PPP1R12C: variants seen among roughly 807,000 people sequenced by gnomAD.
PPP1R12C encodes the protein leukocyte receptor cluster (LRC) encoded novel gene 3.
Under a neutral mutation model 95.6 loss-of-function variants are expected in PPP1R12C, and 48 were observed. The observed-to-expected ratio is 0.50, with a 90% CI of 0.40 to 0.64. The LOEUF (loss-of-function observed/expected upper bound fraction) is 0.64. Ranked by LOEUF, PPP1R12C falls within the 30% of genes least tolerant of loss-of-function variation. The probability of loss-of-function intolerance (pLI) is 0.00; values close to 1 mark genes in which losing one functional copy is unlikely to be tolerated. For missense variants in PPP1R12C, 1,057 were observed against 1,083.3 expected, an observed-to-expected ratio of 0.98 and a Z score of 0.34; for synonymous variants, 480 against 460.8, an observed-to-expected ratio of 1.04 and a Z score of -0.53.
Position 55,099,100 on chromosome 19 carries a change from G to A in PPP1R12C, c.732-5C>T, listed in dbSNP as rs770570475. Reference sequence around the variant, plus strand: ...TAGCCAGCCTGAAGGAGCAACCTGGGGGCCAGGGAGGCTCAGGGTCAGAGG... The same window carrying A: ...TAGCCAGCCTGAAGGAGCAACCTGGAGGCCAGGGAGGCTCAGGGTCAGAGG... On this transcript the variant is annotated splice_region_variant and splice_polypyrimidine_tract_variant and intron_variant, in intron 4 of 21. Coordinates refer to ENST00000263433, the MANE Select transcript of PPP1R12C (RefSeq NM_017607.4). 10 of 1,526,796 alleles carry A rather than the reference G, an allele frequency of 6.5e-6. No homozygotes were observed. In the East Asian group the frequency reaches 1.5e-4, roughly 22 times the overall value. 94.6% of individuals were successfully genotyped at this position (1,526,796 alleles called of 1,614,324 possible). A position where few individuals can be genotyped will look rare whatever the true frequency, so the allele number is the denominator to read the frequency against.
At chr19:55,092,913 T>C (rs1286082475) in intron 15 of PPP1R12C, 45 bp from the exon 16 acceptor site, 2 of 1,594,844 alleles carry the variant, frequency 1.3e-6, no homozygotes, top group Non-Finnish European at 1.7e-6. Context: ...CAGAGCCCCC[T>C]CTCGGTGCCT....
intron 4 of PPP1R12C, among the ~76,000 whole-genome samples, chr19:55,099,855 T>C (rs1210520570): frequency 6.6e-6 from 1 of 152,226 alleles, no homozygotes; most frequent in Non-Finnish European, 1.5e-5. Context: ...AGCTTAACGG[T>C]AGGACGTGTC....
chr19:55,096,138 G>A lies in PPP1R12C; in HGVS notation c.1066C>T (p.Leu356Phe). 1.2e-6 allele frequency: 2 copies of A among 1,600,624 alleles called. No homozygotes were observed. Among genetic ancestry groups the A allele is most frequent in the Non-Finnish European group, 1.7e-6 (2 of 1,173,860 alleles). The stretch of plus-strand genomic sequence containing the variant: ...CGGCGCTCCTTGGACAAGTCCTGGA[G>A]GGAAATCTTCTCGCGACTGCTCAGA... Reference protein sequence around the residue: ...CRLSSREKISLQDLSKERRPG... With the variant: ...CRLSSREKISFQDLSKERRPG... Residue 356 changes from leucine to phenylalanine, a missense_variant, in exon 8 of 22, where the codon CTC (leucine) becomes TTC (phenylalanine). Physicochemically the swap from Leu to Phe is conservative, Grantham distance 22 (BLOSUM62 0). Transcript: ENST00000263433.
intron 1 of PPP1R12C, chr19:55,114,882 G>C (rs767402412): frequency 6.6e-6 from 1 of 152,048 alleles, no homozygotes; most frequent in African/African-American, 2.4e-5. Context: ...TGCAGGGGAA[G>C]GGGGATGCAG....
rs1320074950 is a variant in PPP1R12C, at chr19:55,109,229, T to A, written c.571+3238A>T. On this transcript the variant is annotated intron_variant, in intron 3 of 21. Transcript: ENST00000263433. The surrounding 1 kb of genome is among the most constrained non-coding windows in gnomAD (Gnocchi z 4.4). ...AATCTTCTCACCTCAGCCTACTGAG[T>A]AGCTGGGAGCGTACGTGCATTCCCA... Among the ~76,000 whole-genome samples the A allele has an allele frequency of 6.6e-6, 1 of 152,168 alleles. No homozygotes were observed. The highest frequency in any genetic ancestry group is 1.5e-5 in the Non-Finnish European group (1 of 68,040).
chr19:55,096,203 G>A, intron 7 of PPP1R12C, 25 bp from the exon 8 acceptor site: 1 of 1,611,798 alleles, frequency 6.2e-7, no homozygotes, highest in Non-Finnish European at 8.5e-7. Flanking sequence ...GAGGGTGCTG[G>A]GGTACAAGCC....
At chr19:55,112,867 G>T (rs891557723) in intron 1 of PPP1R12C, 72 bp from the exon 2 acceptor site, 6 of 1,589,278 alleles carry the variant, frequency 3.8e-6, no homozygotes, top group Non-Finnish European at 5.1e-6. Context: ...GACTCCAGAG[G>T]GAGCCACGAA....
chr19:55,112,256 G>C, intron 3 of PPP1R12C: 3 of 327,792 alleles, frequency 9.2e-6, no homozygotes, highest in South Asian at 7.5e-5. Flanking sequence ...AGGGGTTTGA[G>C]TTCTCATCCT....
At position 55,099,074 on chromosome 19, in the gene PPP1R12C, G is replaced by T; in HGVS notation, c.753C>A (p.Tyr251Ter). The change falls in exon 5 of 22, where the codon TAC becomes TAA. Residue 251 changes from tyrosine to a stop codon, truncating the protein, a stop_gained. Coordinates refer to ENST00000263433, the MANE Select transcript of PPP1R12C (RefSeq NM_017607.4). LOFTEE classifies it high-confidence loss of function. ...CGTCCCCGTCCCGGAGCTCTGGGTC[G>T]TAGCCAGCCTGAAGGAGCAACCTGG... Reference protein sequence around the residue: ...EVMRLLLQAGYDPELRDGDGW... With the variant: ...EVMRLLLQAG 6.5e-7 allele frequency: 1 copy of T among 1,548,624 alleles called. No homozygotes were observed. The highest frequency in any genetic ancestry group is 8.7e-7 in the Non-Finnish European group (1 of 1,145,378).
chr19:55,106,975 C>T (rs942554528), intron 3 of PPP1R12C, among the ~76,000 whole-genome samples: 1 of 152,130 alleles, frequency 6.6e-6, no homozygotes, highest in Non-Finnish European at 1.5e-5. Context: ...GAGTGCCTCA[C>T]GGAGAGAACC....
chr19:55,094,789 G>A lies in PPP1R12C; in HGVS notation c.1464C>T (p.Val488=). 1 of 1,594,526 alleles carries A rather than the reference G, an allele frequency of 6.3e-7. No homozygotes were observed. The stretch of plus-strand genomic sequence containing the variant: ...TCTCCAAGCAAGGAGGAGGCTTGGT[G>A]ACCTCAGACCTGCATCAATTCATTC... The part of the protein sequence containing the change: ...KLPEPSVLSE[V]TKPPPCLENS... The change falls in exon 12 of 22, where the codon GTC becomes GTT. Residue 488 remains valine, a synonymous_variant. Coordinates refer to ENST00000263433, the MANE Select transcript of PPP1R12C (RefSeq NM_017607.4).
intron 1 of PPP1R12C, among the ~76,000 whole-genome samples, chr19:55,116,734 T>G (rs1027833272): frequency 1.3e-5 from 2 of 152,036 alleles, no homozygotes; most frequent in African/African-American, 4.8e-5. Context: ...AAAGTGACAA[T>G]GGCCAGGGCC....
Position 55,095,601 on chromosome 19 carries a change from C to G in PPP1R12C, c.1230G>C (p.Gln410His). Residue 410 changes from glutamine to histidine, a missense_variant and splice_region_variant, in exon 10 of 22, where the codon CAG becomes CAC. This residue lies in a region of PPP1R12C where 356 missense variants were observed against 330.5 expected (regional missense o/e 1.08). Transcript: ENST00000263433. The part of the protein sequence containing the change: ...PPHPSPKSPV[Q>H]LEEAPFSRRF... ...GCCTGGAGAAGGGGGCCTCTTCAAGCTGCTGGGAGAAGGAGGAGGTCTCAG... is the reference window on the plus strand; with the variant it reads ...GCCTGGAGAAGGGGGCCTCTTCAAGGTGCTGGGAGAAGGAGGAGGTCTCAG... 1 of 1,557,758 alleles carries G rather than the reference C, an allele frequency of 6.4e-7. No individual in the cohort carries two copies. The highest frequency in any genetic ancestry group is 2.3e-5 in the East Asian group (1 of 44,266).
chr19:55,092,367 G>C lies in PPP1R12C; in HGVS notation c.2056-41C>G, dbSNP rs1279700607. 6 of 1,452,652 alleles carry C rather than the reference G, an allele frequency of 4.1e-6. No homozygotes were observed. The African/African-American group carries it at 7.0e-5, about 17-fold the overall frequency. 90.0% of individuals were successfully genotyped at this position (1,452,652 alleles called of 1,614,324 possible). Reference sequence around the variant, plus strand: ...AGGAGGGTCAGGTGGAGGATGGGGCGATGCTGGGGGGGCGGGGAAGCCAGG... The same window carrying C: ...AGGAGGGTCAGGTGGAGGATGGGGCCATGCTGGGGGGGCGGGGAAGCCAGG... On this transcript the variant is annotated intron_variant, in intron 18 of 21. Transcript: ENST00000263433.
At chr19:55,117,175 G>A in intron 1 of PPP1R12C, 48 bp downstream of exon 1, 1 of 1,208,094 alleles carries the variant, frequency 8.3e-7, no homozygotes, top group Non-Finnish European at 1.0e-6. Context: ...AGGTGGCGCA[G>A]CAGAGGGTGG....
In PPP1R12C at chr19:55,093,195, A is replaced by G; in HGVS notation, c.1722T>C (p.Ala574=). 6.2e-7 allele frequency: 1 copy of G among 1,613,618 alleles called. No homozygotes were observed. Among genetic ancestry groups the G allele is most frequent in the South Asian group, 1.1e-5 (1 of 91,078 alleles). ...TLTDLKEAEK[A]AGKAPESEKP... is the part of the protein sequence containing the mutation. ...TCTCTGACTCTGGGGCCTTCCCTGC[A>G]GCCTTCTCTGCCTCCTTCAGGTCTG... The change falls in exon 14 of 22, where the codon GCT becomes GCC. Residue 574 remains alanine, a synonymous_variant. Coordinates refer to ENST00000263433, the MANE Select transcript of PPP1R12C (RefSeq NM_017607.4).
At chr19:55,108,691 GTTTT>G (rs921301651) in intron 3 of PPP1R12C, among the ~76,000 whole-genome samples, 3 of 152,050 alleles carry the variant, frequency 2.0e-5, no homozygotes, top group Admixed American at 6.6e-5. Flanking sequence ...TACATTGTGT[GTTTT>G]TTGTTTTGTC....
At chr19:55,098,315 A>C (rs529837880) in intron 6 of PPP1R12C, among the ~76,000 whole-genome samples, 2 of 152,352 alleles carry the variant, frequency 1.3e-5, no homozygotes, top group African/African-American at 4.8e-5. Context: ...CGGCAGATCC[A>C]TGGCAGAGCC....
intron 3 of PPP1R12C, among the ~76,000 whole-genome samples, chr19:55,111,150 A>AGGGGGGGGGCTGGGGGGGGGGGGGGGGG (rs66532829): frequency 1.5e-5 from 1 of 65,090 alleles, no homozygotes; most frequent in African/African-American, 4.4e-5. Flanking sequence ...GGTGGGGGGG[A>AGGGGGGGGGCTGGGGGGGGGGGGGGGGG]GGGGGGGGTG....
Sources: allele counts gnomAD v4.1 joint callset (sites outside exome capture counted in the v4.1 genomes callset), GRCh38; gene constraint gnomAD v4.1.1; regional missense constraint gnomAD v4.1.1; non-coding constraint Gnocchi (gnomAD v3.1); transcripts MANE v1.5; gene names NCBI Gene and HGNC (gene_info 2026-07-23, HGNC 2026-07-21).